Variants in CACNA1F observed in about 807,000 individuals in gnomAD.
CACNA1F encodes the protein voltage-dependent L-type calcium channel subunit alpha-1F.
In CACNA1F, 59 loss-of-function variants were observed where a neutral mutation model predicts 143.8. The observed-to-expected ratio is 0.41, with a 90% CI of 0.33 to 0.51. CACNA1F has a LOEUF of 0.51. Among genes scored for constraint, CACNA1F ranks in the 20% least tolerant of loss-of-function variants. The probability of loss-of-function intolerance (pLI) is 0.22; values close to 1 mark genes in which losing one functional copy is unlikely to be tolerated. For missense variants in CACNA1F, 1,411 were observed against 1,647.5 expected, an observed-to-expected ratio of 0.86 and a Z score of 2.48; for synonymous variants, 643 against 649.1, an observed-to-expected ratio of 0.99 and a Z score of 0.14.
chrX:49,207,160 G>T, intron 43 of CACNA1F, 48 bp from the exon 44 acceptor site: 1 of 756,597 alleles, frequency 1.3e-6, no homozygotes, highest in Non-Finnish European at 2.0e-6. Flanking sequence ...TCAATATGTG[G>T]CCCTGGACCC....
At position 49,215,651 on chromosome X, in the gene CACNA1F, C is replaced by T. The variant is rs781988622; in HGVS notation, c.3237-108G>A. Reference sequence around the variant, plus strand: ...TCACAGACACCCCAGAGTTTCCTGCCTGGCACCCCAAAGACCCCTAAATCT... The same window carrying T: ...TCACAGACACCCCAGAGTTTCCTGCTTGGCACCCCAAAGACCCCTAAATCT... On this transcript the variant is annotated intron_variant, in intron 27 of 47. Transcript: ENST00000323022. 6.6e-4 allele frequency: 339 copies of T among 517,205 alleles called. 2 individuals are homozygous for T. Among genetic ancestry groups the T allele is most frequent in the Non-Finnish European group, 1.9e-4 (60 of 314,633 alleles). The allele number at this position is 517,205 out of a possible 1,213,427, so 42.6% of individuals were successfully genotyped here.
chrX:49,228,432 T>C lies in CACNA1F; in HGVS notation c.833A>G (p.Glu278Gly), dbSNP rs1265642618. The part of the protein sequence containing the change: ...YFLGSDMEAE[E>G]DPSPCASSGS... ...CGAAGACGCACAGGGCGATGGGTCC[T>C]CCTCCGCTTCCATGTCTGCAGGAAG... The change falls in exon 7 of 48, where the codon GAG (glutamate) becomes GGG (glycine). Residue 278 changes from glutamate (E) to glycine (G), a missense_variant. By Grantham distance (98) the Glu-to-Gly change is moderately conservative. Around this residue, in one of 3 missense-constraint regions of CACNA1F, gnomAD observed 950 missense variants for 1,128.1 expected, o/e 0.84. Coordinates refer to ENST00000323022, the MANE Select transcript of CACNA1F (RefSeq NM_001256789.3). 2 of 1,201,732 alleles carry C rather than the reference T, an allele frequency of 1.7e-6. No homozygotes were observed. Among genetic ancestry groups the C allele is most frequent in the African/African-American group, 3.5e-5 (2 of 57,512 alleles).
chrX:49,217,147 C>T (rs1319721682), intron 26 of CACNA1F, among the ~76,000 whole-genome samples: 3 of 111,923 alleles, frequency 2.7e-5, no homozygotes, highest in African/African-American at 6.5e-5. Context: ...TTAGTGGAGA[C>T]GGGGTTTCAC....
intron 43 of CACNA1F, among the ~76,000 whole-genome samples, chrX:49,208,070 C>T (rs1173558868): frequency 1.9e-5 from 2 of 107,555 alleles, no homozygotes; most frequent in Admixed American, 1.0e-4. Context: ...TTATGGCGCA[C>T]GCCTGTAATC....
intron 29 of CACNA1F, 72 bp downstream of exon 29, chrX:49,215,013 CA>C (rs2065696163): frequency 1.0e-6 from 1 of 998,612 alleles, no homozygotes; most frequent in Non-Finnish European, 1.4e-6. Context: ...TAAATGTTCC[CA>C]ATGGTTCCCA....
At chrX:49,213,722 C>T (rs1421330650) in intron 31 of CACNA1F, 97 bp downstream of exon 31, 9 of 593,429 alleles carry the variant, frequency 1.5e-5, no homozygotes, top group African/African-American at 8.9e-5. Flanking sequence ...GGAGGATGTG[C>T]GTGGGAGCCA....
intron 27 of CACNA1F, among the ~76,000 whole-genome samples, chrX:49,216,143 G>T (rs782601377): frequency 9.1e-6 from 1 of 109,930 alleles, no homozygotes; most frequent in Non-Finnish European, 1.9e-5. Flanking sequence ...CTTAGAAACC[G>T]CTGTCCAATT....
chrX:49,232,895 G>T (rs1442237016), intron 1 of CACNA1F, among the ~76,000 whole-genome samples: 2 of 110,356 alleles, frequency 1.8e-5, no homozygotes, highest in African/African-American at 6.6e-5. Context: ...TGACATCCCG[G>T]GGTTGAGGTT....
At position 49,211,313 on chromosome X, in the gene CACNA1F, G is replaced by C. The variant is rs1557106206; in HGVS notation, c.4260+9C>G. On this transcript the variant is annotated intron_variant, in intron 36 of 47. Transcript: ENST00000323022. Reference sequence around the variant, plus strand: ...ACGGTGGTGGTGGTTGTGAGGAAATGGTTCTCACCAGGAAGGCACAGAGCA... The same window carrying C: ...ACGGTGGTGGTGGTTGTGAGGAAATCGTTCTCACCAGGAAGGCACAGAGCA... 1.7e-6 allele frequency: 2 copies of C among 1,210,710 alleles called. No individual in the cohort carries two copies. The highest frequency in any genetic ancestry group is 2.2e-5 in the Admixed American group (1 of 46,077).
intron 43 of CACNA1F, 84 bp downstream of exon 43, chrX:49,208,431 C>CCAAAAA: frequency 3.3e-6 from 2 of 611,302 alleles, no homozygotes; most frequent in Non-Finnish European, 5.1e-6. Flanking sequence ...CCACCCCCCT[C>CCAAAAA]AACTTCCTGC....
chrX:49,219,252 C>T, intron 21 of CACNA1F, 69 bp downstream of exon 21: 11 of 1,118,979 alleles, frequency 9.8e-6, no homozygotes, highest in Non-Finnish European at 1.3e-5. Context: ...CCACCCTGAC[C>T]CAGCTTGTGC....
chrX:49,210,542 G>A, intron 38 of CACNA1F, 48 bp downstream of exon 38: 1 of 1,113,793 alleles, frequency 9.0e-7, no homozygotes, highest in Non-Finnish European at 1.2e-6. Context: ...CCCTTGCCAT[G>A]TGATAGACAG....
chrX:49,229,201 G>A (rs2065853632), intron 6 of CACNA1F, among the ~76,000 whole-genome samples: 1 of 111,378 alleles, frequency 9.0e-6, no homozygotes, highest in Non-Finnish European at 1.9e-5. Flanking sequence ...AGGCTGGAGC[G>A]CAGTGAGTGG....
intron 35 of CACNA1F, 138 bp downstream of exon 35, chrX:49,211,760 A>G: frequency 3.6e-6 from 2 of 563,270 alleles, no homozygotes; most frequent in Non-Finnish European, 6.1e-6. Flanking sequence ...GACTCCTCAC[A>G]TCATAGCCAG....
Position 49,206,219 on chromosome X carries a change from C to T in CACNA1F, c.5472+292G>A, listed in dbSNP as rs782004547. ...ACCAGCCCGGCCAACATGGTGAAAC[C>T]CCATCTCTACTAAAAATGCAAAAAT... is the stretch of plus-strand genomic sequence containing the variant. On this transcript the variant is annotated intron_variant, in intron 46 of 47. Coordinates refer to ENST00000323022, the MANE Select transcript of CACNA1F (RefSeq NM_001256789.3). Among the ~76,000 whole-genome samples the T allele has an allele frequency of 1.1e-4, 12 of 108,460 alleles. No homozygotes were observed. In the South Asian group the frequency reaches 4.5e-3, roughly 41 times the overall value. 94.2% of individuals were successfully genotyped at this position (108,460 alleles called of 115,157 possible).
At position 49,219,628 on chromosome X, in the gene CACNA1F, A is replaced by G. The variant is rs2065755548; in HGVS notation, c.2543+6T>C. 8.4e-7 allele frequency: 1 copy of G among 1,197,594 alleles called. No individual in the cohort carries two copies. Among genetic ancestry groups the G allele is most frequent in the African/African-American group, 1.8e-5 (1 of 56,239 alleles). On this transcript the variant is annotated splice_donor_region_variant and intron_variant, in intron 20 of 47. Coordinates refer to ENST00000323022, the MANE Select transcript of CACNA1F (RefSeq NM_001256789.3). ...TGCCTCACCCCCTGCCACTTCCGGC[A>G]CTCACGGGTTGGTTTGGCTGAGGCA...
chrX:49,213,847 A>G lies in CACNA1F; in HGVS notation c.3764T>C (p.Ile1255Thr). 1 of 1,204,103 alleles carries G rather than the reference A, an allele frequency of 8.3e-7. No homozygotes were observed. Among genetic ancestry groups the G allele is most frequent in the Non-Finnish European group, 1.1e-6 (1 of 888,335 alleles). Residue 1255 changes from isoleucine (I) to threonine (T), a missense_variant, in exon 31 of 48, where the codon ATA (isoleucine) becomes ACA (threonine). Ile to Thr is a moderately conservative substitution (Grantham distance 89). Transcript: ENST00000323022. The part of the protein sequence containing the change: ...TFDALIVVGS[I>T]VDIAVTEVNN... ...GACTTCAGTGACGGCAATATCCACT[A>G]TGCTGCCCACCACAATAAGAGCGTC...
chrX:49,220,930 C>G (rs1462961124), intron 18 of CACNA1F, 105 bp downstream of exon 18: 42 of 712,457 alleles, frequency 5.9e-5, no homozygotes, highest in Middle Eastern at 5.8e-4. Context: ...CAGAGTGAGA[C>G]TCTATCTCAA....
chrX:49,223,310 A>C (rs1557109182), intron 14 of CACNA1F, among the ~76,000 whole-genome samples, 174 bp from the exon 15 acceptor site: 1 of 109,602 alleles, frequency 9.1e-6, no homozygotes, highest in Non-Finnish European at 1.9e-5. Flanking sequence ...TGAGAGTAAG[A>C]AGTGGGGGAA....
Sources: allele counts gnomAD v4.1 joint callset (sites outside exome capture counted in the v4.1 genomes callset), GRCh38; gene constraint gnomAD v4.1.1; regional missense constraint gnomAD v4.1.1; transcripts MANE v1.5; gene names NCBI Gene and HGNC (gene_info 2026-07-23, HGNC 2026-07-21).